The following SLC24A2 variants were observed in gnomAD, a reference collection of about 807,000 sequenced individuals.
The protein encoded by SLC24A2 is solute carrier family 24 member 2.
SLC24A2 carries 36 observed loss-of-function variants against 62.0 expected under a neutral mutation model. The observed-to-expected ratio is 0.58, with a 90% CI of 0.44 to 0.77. The LOEUF (loss-of-function observed/expected upper bound fraction) is 0.77, where lower values mean the gene tolerates loss of function less well. Ranked by LOEUF, SLC24A2 falls within the 30% of genes least tolerant of loss-of-function variation. The pLI is 0.00. For missense variants in SLC24A2, 846 were observed against 817.9 expected, an observed-to-expected ratio of 1.03 and a Z score of -0.42; for synonymous variants, 358 against 294.0, an observed-to-expected ratio of 1.22 and a Z score of -2.23.
At chr9:20,144,794 C>T in the SLC24A2 span, among the ~76,000 whole-genome samples, 5 of 151,864 alleles carry the variant, frequency 3.3e-5, no homozygotes, top group African/African-American at 1.2e-4. Flanking sequence ...CTATATTCTG[C>T]ATTCATTCAT....
At chr9:20,074,607 A>AAGGAACGG in the SLC24A2 span, among the ~76,000 whole-genome samples, 1 of 69,174 alleles carries the variant, frequency 1.4e-5, no homozygotes, top group African/African-American at 6.1e-5. Flanking sequence ...GGAAGGAAAG[A>AAGGAACGG]AGGGAGTGAG....
At chr9:20,307,728 C>T in the SLC24A2 span, among the ~76,000 whole-genome samples, 1 of 152,158 alleles carries the variant, frequency 6.6e-6, no homozygotes, top group Non-Finnish European at 1.5e-5. Context: ...CAACTGGAAA[C>T]CAAATCTAGG....
chr9:20,233,549 C>T, the SLC24A2 span, among the ~76,000 whole-genome samples: 1 of 152,038 alleles, frequency 6.6e-6, no homozygotes, highest in Admixed American at 6.6e-5. Flanking sequence ...GGATTGCAAC[C>T]CCTGCCTTTT....
chr9:19,914,135 C>A, the SLC24A2 span, among the ~76,000 whole-genome samples: 1 of 151,994 alleles, frequency 6.6e-6, no homozygotes, highest in African/African-American at 2.4e-5. Context: ...CCTCAAAATG[C>A]GCTTCCTTTC....
chr9:20,095,906 C>T, the SLC24A2 span, among the ~76,000 whole-genome samples: 1 of 152,112 alleles, frequency 6.6e-6, no homozygotes, highest in African/African-American at 2.4e-5. Context: ...CTTATAAAAT[C>T]ATCAGATCTT....
chr9:19,850,983 A>G, the SLC24A2 span, among the ~76,000 whole-genome samples: 3 of 39,578 alleles, frequency 7.6e-5, no homozygotes, highest in East Asian at 4.3e-4. Context: ...ATATATATAT[A>G]TGTATATATA....
chr9:19,892,805 A>C, the SLC24A2 span, among the ~76,000 whole-genome samples: 5 of 152,208 alleles, frequency 3.3e-5, no homozygotes, highest in African/African-American at 1.2e-4. Flanking sequence ...AAGGTCACAC[A>C]GATGGTAAGT....
the SLC24A2 span, among the ~76,000 whole-genome samples, chr9:19,832,663 T>C: frequency 6.6e-5 from 10 of 152,188 alleles, no homozygotes; most frequent in Non-Finnish European, 1.5e-4. Context: ...GGCAATACCA[T>C]TCAGGTCATA....
At chr9:20,038,610 CAG>C in the SLC24A2 span, among the ~76,000 whole-genome samples, 17 of 122,210 alleles carry the variant, frequency 1.4e-4, no homozygotes, top group East Asian at 2.5e-4. Context: ...TTTTTTTCAG[CAG>C]AGTCAGTAAA....
At chr9:19,636,482 A>G (rs1218345804) in intron 2 of SLC24A2, among the ~76,000 whole-genome samples, 1 of 148,788 alleles carries the variant, frequency 6.7e-6, no homozygotes, top group Non-Finnish European at 1.5e-5. Flanking sequence ...CCCAGGCTGC[A>G]GTGCAGTGGT....
chr9:20,177,454 G>A, the SLC24A2 span, among the ~76,000 whole-genome samples: 1 of 152,178 alleles, frequency 6.6e-6, no homozygotes, highest in African/African-American at 2.4e-5. Context: ...ACAGGCTGAG[G>A]TCAGAGCCAC....
intron 2 of SLC24A2, among the ~76,000 whole-genome samples, chr9:19,692,096 T>C (rs902514670): frequency 1.3e-5 from 2 of 152,200 alleles, no homozygotes; most frequent in African/African-American, 4.8e-5. Flanking sequence ...TGCATTAACC[T>C]ATCTGTAAAA....
At chr9:19,615,678 C>A (rs1299577082) in intron 4 of SLC24A2, among the ~76,000 whole-genome samples, 1 of 152,158 alleles carries the variant, frequency 6.6e-6, no homozygotes, top group African/African-American at 2.4e-5. Context: ...CTGTAGCCTC[C>A]CACATCTTTC....
chr9:19,966,428 A>G, the SLC24A2 span, among the ~76,000 whole-genome samples: 1 of 152,236 alleles, frequency 6.6e-6, no homozygotes, highest in Non-Finnish European at 1.5e-5. Context: ...ATGAACACAA[A>G]GATCATTTTA....
At chr9:20,294,567 A>G in the SLC24A2 span, among the ~76,000 whole-genome samples, 1 of 152,178 alleles carries the variant, frequency 6.6e-6, no homozygotes, top group Non-Finnish European at 1.5e-5. Context: ...CTTAAGATAC[A>G]TGTTGAAAAT....
chr9:20,215,589 C>T, the SLC24A2 span, among the ~76,000 whole-genome samples: 2 of 152,194 alleles, frequency 1.3e-5, no homozygotes, highest in South Asian at 2.1e-4. Flanking sequence ...GTCACTAGCC[C>T]AGGACTTCTT....
chr9:20,119,062 G>A, the SLC24A2 span, among the ~76,000 whole-genome samples: 10 of 152,232 alleles, frequency 6.6e-5, no homozygotes, highest in Middle Eastern at 3.4e-3. Context: ...AGAAATGAAC[G>A]CAGCCTTCAA....
intron 2 of SLC24A2, among the ~76,000 whole-genome samples, chr9:19,697,969 T>TAACAA (rs896523364): frequency 6.6e-6 from 1 of 152,038 alleles, no homozygotes; most frequent in South Asian, 2.1e-4. Context: ...CCATGGCCAA[T>TAACAA]AACAAAACAA....
chr9:20,018,658 A>G, the SLC24A2 span, among the ~76,000 whole-genome samples: 1 of 152,218 alleles, frequency 6.6e-6, no homozygotes, highest in Admixed American at 6.5e-5. Context: ...AACCATAATC[A>G]TAATAGGGTT....
Sources: allele counts gnomAD v4.1 joint callset (sites outside exome capture counted in the v4.1 genomes callset), GRCh38; gene constraint gnomAD v4.1.1; transcripts MANE v1.5; gene names NCBI Gene and HGNC (gene_info 2026-07-23, HGNC 2026-07-21).